Variants in APP observed in about 807,000 individuals in gnomAD.
APP encodes amyloid-beta precursor protein.
A neutral mutation model predicts 101.4 loss-of-function variants in APP; 31 were observed. The ratio of observed to expected loss-of-function variants is 0.31; its 90% CI spans 0.23 to 0.41. APP has a LOEUF of 0.41. Among genes scored for constraint, APP ranks in the 10% least tolerant of loss-of-function variants. The pLI, the probability that APP is intolerant of heterozygous loss-of-function variation, is 1.00. For missense variants in APP, 839 were observed against 1,003.7 expected (o/e 0.84, Z 2.22); for synonymous variants, 366 against 364.4 (o/e 1.00, Z -0.05).
At chr21:25,988,326 AGGG>A (rs1392904648) in intron 8 of APP, among the ~76,000 whole-genome samples, 1 of 152,142 alleles carries the variant, frequency 6.6e-6, no homozygotes, top group East Asian at 1.9e-4. Context: ...GGGCTGTTTG[AGGG>A]GGAGTATATG....
intron 17 of APP, among the ~76,000 whole-genome samples, chr21:25,888,201 G>A (rs57862389): frequency 0.022 from 3,388 of 152,188 alleles, 144 homozygotes; most frequent in African/African-American, 0.077. Flanking sequence ...AGCCAGAGCC[G>A]GAAATAAAGG....
rs1491556765 is a variant in APP, at chr21:26,032,805, A to AAAAAATAT, written c.663-10764_663-10763insATATTTTT. Among the ~76,000 whole-genome samples, 8 of 124,474 alleles carry AAAAAATAT rather than the reference A, an allele frequency of 6.4e-5. No individual in the cohort carries two copies. The East Asian group carries it at 1.5e-3, about 24-fold the overall frequency. 81.7% of individuals were successfully genotyped at this position (124,474 alleles called of 152,430 possible). A position where few individuals can be genotyped will look rare whatever the true frequency, so the allele number is the denominator to read the frequency against. ...GGCTTATTATTTTAGAAAAAAAAAAAATATATATATATATATAAAGAGCTA... is the reference window on the plus strand; with the variant it reads ...GGCTTATTATTTTAGAAAAAAAAAAAAAAAATATATATATATATATATATAAAGAGCTA... On this transcript the variant is annotated intron_variant, in intron 5 of 17. Coordinates refer to ENST00000346798, the MANE Select transcript of APP (RefSeq NM_000484.4).
chr21:25,989,976 C>A (rs1286584491), intron 8 of APP, among the ~76,000 whole-genome samples: 2 of 151,720 alleles, frequency 1.3e-5, no homozygotes, highest in Admixed American at 6.6e-5. Context: ...AGTTAAAACT[C>A]CTAACGCATT....
chr21:26,153,591 G>A (rs1446079923), intron 1 of APP, among the ~76,000 whole-genome samples: 1 of 152,086 alleles, frequency 6.6e-6, no homozygotes, highest in Non-Finnish European at 1.5e-5. Flanking sequence ...GACTACAGGC[G>A]ACAGTCACCA....
At chr21:25,985,992 G>A (rs2042621957) in intron 8 of APP, among the ~76,000 whole-genome samples, 1 of 152,202 alleles carries the variant, frequency 6.6e-6, no homozygotes, top group East Asian at 1.9e-4. Context: ...GAGGATCCCG[G>A]AAGGAGAGAG....
intron 11 of APP, among the ~76,000 whole-genome samples, chr21:25,970,688 G>A (rs945893427): frequency 6.6e-6 from 1 of 152,188 alleles, no homozygotes; most frequent in African/African-American, 2.4e-5. Context: ...TCGTTCTAGT[G>A]AGAAGGCACC....
intron 1 of APP, among the ~76,000 whole-genome samples, chr21:26,135,430 C>A (rs1417634612): frequency 1.3e-5 from 2 of 152,152 alleles, no homozygotes; most frequent in African/African-American, 4.8e-5. Context: ...ATCATAGAAC[C>A]ATGACAAAAC....
intron 8 of APP, among the ~76,000 whole-genome samples, chr21:25,992,793 C>T (rs1447400715): frequency 6.6e-6 from 1 of 152,212 alleles, no homozygotes; most frequent in Non-Finnish European, 1.5e-5. Context: ...TAAAATTGTT[C>T]TCCCTCCCTA....
chr21:26,051,379 C>T (rs542250350), intron 4 of APP, among the ~76,000 whole-genome samples, 186 bp from the exon 5 acceptor site: 1 of 80,336 alleles, frequency 1.2e-5, no homozygotes, highest in South Asian at 6.6e-4. Context: ...CACTTTGGTA[C>T]TCTTTTTATT....
chr21:25,903,306 T>C (rs951895188), intron 15 of APP, among the ~76,000 whole-genome samples: 2 of 149,936 alleles, frequency 1.3e-5, no homozygotes, highest in Non-Finnish European at 3.0e-5. Flanking sequence ...GAGGCAGAGG[T>C]TGCAGTGAGT....
At chr21:26,097,981 G>A (rs2061982753) in intron 2 of APP, among the ~76,000 whole-genome samples, 1 of 150,456 alleles carries the variant, frequency 6.6e-6, no homozygotes, top group Non-Finnish European at 1.5e-5. Context: ...TTGGGAGGCT[G>A]AGGCAGGAGA....
At chr21:25,910,437 T>A (rs372172455) in intron 14 of APP, among the ~76,000 whole-genome samples, 21 of 152,156 alleles carry the variant, frequency 1.4e-4, no homozygotes, top group African/African-American at 4.6e-4. Flanking sequence ...GCCTATAAGG[T>A]ATATTATAAA....
chr21:25,897,410 A>C lies in APP; in HGVS notation c.2064+163T>G, dbSNP rs574517296. 1.3e-4 allele frequency among the ~76,000 whole-genome samples: 20 copies of C among 152,318 alleles called. No homozygotes were observed. In the South Asian group the frequency reaches 3.7e-3, roughly 28 times the overall value. On this transcript the variant is annotated intron_variant, in intron 16 of 17. Coordinates refer to ENST00000346798, the MANE Select transcript of APP (RefSeq NM_000484.4). ...ATTACAGGCTTGAGCCACTGCGCTCAGCCTAGCCTATTTATTTTCTTCATG... is the reference window on the plus strand; with the variant it reads ...ATTACAGGCTTGAGCCACTGCGCTCCGCCTAGCCTATTTATTTTCTTCATG...
At chr21:26,048,916 C>T (rs550706373) in intron 5 of APP, among the ~76,000 whole-genome samples, 6 of 152,210 alleles carry the variant, frequency 3.9e-5, no homozygotes, top group East Asian at 3.9e-4. Flanking sequence ...TGGGGCAGAA[C>T]GGTGGGAATG....
At chr21:25,917,291 G>GATGTA (rs1306684223) in intron 13 of APP, among the ~76,000 whole-genome samples, 1 of 151,042 alleles carries the variant, frequency 6.6e-6, no homozygotes. Context: ...ATGCTTTGAG[G>GATGTA]ATGTATACGA....
At chr21:25,949,984 G>A (rs216777) in intron 13 of APP, among the ~76,000 whole-genome samples, 1 of 152,212 alleles carries the variant, frequency 6.6e-6, no homozygotes, top group African/African-American at 2.4e-5. Context: ...CTGAATTTCC[G>A]AGTATCTTCA....
At chr21:25,956,775 T>C (rs1055783155) in intron 11 of APP, among the ~76,000 whole-genome samples, 2 of 152,172 alleles carry the variant, frequency 1.3e-5, no homozygotes, top group Non-Finnish European at 2.9e-5. Context: ...CCATATCCTA[T>C]GGGATGTGCC....
chr21:26,017,581 G>A (rs1448804204), intron 6 of APP, among the ~76,000 whole-genome samples: 1 of 126,224 alleles, frequency 7.9e-6, no homozygotes, highest in African/African-American at 3.1e-5. Flanking sequence ...GCCATCAGCA[G>A]GGGTACAACG....
chr21:26,043,482 C>T (rs35946042), intron 5 of APP, among the ~76,000 whole-genome samples: 10,742 of 152,182 alleles, frequency 0.071, 510 homozygotes, highest in African/African-American at 0.13. Context: ...CTGCCAGCCT[C>T]GGCCTCCCAA....
Sources: allele counts gnomAD v4.1 joint callset (sites outside exome capture counted in the v4.1 genomes callset), GRCh38; gene constraint gnomAD v4.1.1; transcripts MANE v1.5; gene names NCBI Gene and HGNC (gene_info 2026-07-23, HGNC 2026-07-21).